The following PDIA3 variants were observed in gnomAD, a reference collection of about 807,000 sequenced individuals.
The protein encoded by PDIA3 is protein disulfide isomerase family A member 3.
PDIA3 carries 16 observed loss-of-function variants against 56.9 expected under a neutral mutation model. That is an observed-to-expected ratio of 0.28 (90% confidence interval 0.19 to 0.43). PDIA3 has a LOEUF of 0.43. PDIA3 is among the 20% of genes least tolerant of loss of function. The pLI is 1.00. For synonymous variants in PDIA3, 192 were observed against 216.5 expected (o/e 0.89, Z 0.99); for missense variants, 485 against 621.3 (o/e 0.78, Z 2.33).
chr15:43,764,441 AAAG>A (rs1333797533), intron 5 of PDIA3, among the ~76,000 whole-genome samples: 4 of 152,206 alleles, frequency 2.6e-5, no homozygotes, highest in Admixed American at 2.0e-4. Context: ...CTATGAGTGA[AAAG>A]AAGATTCAGA....
intron 5 of PDIA3, 46 bp downstream of exon 5, chr15:43,763,252 C>T: frequency 1.3e-6 from 2 of 1,584,276 alleles, no homozygotes; most frequent in South Asian, 2.2e-5. Flanking sequence ...ATTGTGTGAA[C>T]TGGTGATACT....
intron 5 of PDIA3, among the ~76,000 whole-genome samples, chr15:43,764,344 CAT>C (rs1472728217): frequency 6.6e-6 from 1 of 152,096 alleles, no homozygotes; most frequent in Non-Finnish European, 1.5e-5. Flanking sequence ...CTGAGGATGA[CAT>C]GTGAGAGTCT....
intron 1 of PDIA3, chr15:43,751,443 T>C (rs1326726224): frequency 2.4e-6 from 1 of 424,572 alleles, no homozygotes; most frequent in South Asian, 1.9e-5. Context: ...TGGAATTCAT[T>C]ATCAACTGCC....
chr15:43,762,943 A>G, intron 4 of PDIA3, 134 bp from the exon 5 acceptor site: 1 of 740,580 alleles, frequency 1.4e-6, no homozygotes, highest in South Asian at 1.9e-5. Context: ...TGTCTGAGGT[A>G]GTCATGGCAA....
At chr15:43,759,664 C>G (rs1385598278) in intron 3 of PDIA3, among the ~76,000 whole-genome samples, 2 of 152,148 alleles carry the variant, frequency 1.3e-5, no homozygotes, top group African/African-American at 4.8e-5. Context: ...GAATAGTAAA[C>G]AAAATACGGT....
rs1567153600 is a variant in PDIA3 at position 43,746,612 on chromosome 15, T to G, written c.73T>G (p.Ser25Ala). The G allele has an allele frequency of 6.2e-7, 1 of 1,612,688 alleles. No individual in the cohort carries two copies. Among genetic ancestry groups the G allele is most frequent in the Non-Finnish European group, 8.5e-7 (1 of 1,179,852 alleles). Residue 25 changes from serine (S) to alanine (A), a missense_variant, in exon 1 of 13, where the codon TCC (serine) becomes GCC (alanine). By Grantham distance (99) the Ser-to-Ala change is moderately conservative (BLOSUM62 1). Transcript: ENST00000300289. Reference sequence around the variant, plus strand: ...TGCCGCGGCCCGCCTCGCCGCTGCCTCCGACGTGCTAGAACTCACGGACGA... The same window carrying G: ...TGCCGCGGCCCGCCTCGCCGCTGCCGCCGACGTGCTAGAACTCACGGACGA... ...LLAAARLAAA[S>A]DVLELTDDNF...
chr15:43,753,933 C>T lies in PDIA3; in HGVS notation c.246+31C>T, dbSNP rs200567293. The T allele has an allele frequency of 7.6e-5, 110 of 1,441,568 alleles. No individual in the cohort carries two copies. In the African/African-American group the frequency reaches 1.3e-3, roughly 17 times the overall value. 89.3% of individuals were successfully genotyped at this position (1,441,568 alleles called of 1,614,324 possible). A position where few individuals can be genotyped will look rare whatever the true frequency, so the allele number is the denominator to read the frequency against. On this transcript the variant is annotated intron_variant, in intron 2 of 12. Transcript: ENST00000300289. ...TACAGGTGGATTCTTCACTAAAGGA[C>T]GTGAAGTATTTTAAAAAGTAGTTTG... is the stretch of plus-strand genomic sequence containing the variant.
intron 3 of PDIA3, among the ~76,000 whole-genome samples, chr15:43,758,029 G>A (rs911225818): frequency 2.0e-5 from 3 of 151,576 alleles, no homozygotes; most frequent in African/African-American, 7.3e-5. Context: ...ACCTGAGGTC[G>A]GGAGTTCGAG....
intron 1 of PDIA3, among the ~76,000 whole-genome samples, chr15:43,749,015 C>A (rs1204944904): frequency 6.6e-6 from 1 of 152,092 alleles, no homozygotes; most frequent in African/African-American, 2.4e-5. Context: ...AGGTGATCTG[C>A]CCACCTTGGC....
In PDIA3 at chr15:43,771,841, C is replaced by T; in HGVS notation, c.*623C>T. ...CTTACATGTTTATTTCCCAGGCCTA[C>T]CCTGGTGATTAGAACAGCTGAAGGG... On this transcript the variant is annotated 3_prime_UTR_variant, in exon 13 of 13. Coordinates refer to ENST00000300289, the MANE Select transcript of PDIA3 (RefSeq NM_005313.5). 1 of 384,856 alleles carries T rather than the reference C, an allele frequency of 2.6e-6. No homozygotes were observed. 23.8% of individuals were successfully genotyped at this position (384,856 alleles called of 1,614,324 possible).
intron 3 of PDIA3, among the ~76,000 whole-genome samples, chr15:43,757,233 G>A (rs554583920): frequency 6.6e-6 from 1 of 152,196 alleles, no homozygotes; most frequent in East Asian, 1.9e-4. Context: ...CACAGCCTGG[G>A]CAATATAAGT....
intron 2 of PDIA3, among the ~76,000 whole-genome samples, chr15:43,755,529 C>G (rs996451756): frequency 1.1e-4 from 16 of 152,162 alleles, no homozygotes; most frequent in Admixed American, 3.3e-4. Flanking sequence ...TTGTTCTAGT[C>G]TAAAAGCTCT....
chr15:43,746,502 C>T lies in PDIA3; in HGVS notation c.-38C>T, dbSNP rs946127531. ...CCGACCTCCGCAGTCCCAGCCGAGCCGCGACCCTTCCGGCCGTCCCCACCC... is the reference window on the plus strand; with the variant it reads ...CCGACCTCCGCAGTCCCAGCCGAGCTGCGACCCTTCCGGCCGTCCCCACCC... On this transcript the variant is annotated 5_prime_UTR_variant, in exon 1 of 13. Transcript: ENST00000300289. The T allele has an allele frequency of 2.0e-6, 3 of 1,521,208 alleles. No individual in the cohort carries two copies. Among genetic ancestry groups the T allele is most frequent in the East Asian group, 2.4e-5 (1 of 40,906 alleles). 94.2% of individuals were successfully genotyped at this position (1,521,208 alleles called of 1,614,324 possible). A position where few individuals can be genotyped will look rare whatever the true frequency, so the allele number is the denominator to read the frequency against.
intron 1 of PDIA3, 79 bp from the exon 2 acceptor site, chr15:43,753,745 T>C: frequency 9.9e-7 from 1 of 1,009,300 alleles, no homozygotes; most frequent in East Asian, 2.4e-5. Flanking sequence ...TATTATAGTT[T>C]GAGATTCTTC....
intron 7 of PDIA3, among the ~76,000 whole-genome samples, chr15:43,766,513 G>C (rs2086848407): frequency 6.6e-6 from 1 of 152,198 alleles, no homozygotes; most frequent in Non-Finnish European, 1.5e-5. Context: ...TGCACCAGTT[G>C]ATTGGGTATC....
intron 2 of PDIA3, among the ~76,000 whole-genome samples, chr15:43,755,768 G>A (rs181850800): frequency 2.6e-5 from 4 of 152,224 alleles, no homozygotes. Flanking sequence ...ACAAAAATTA[G>A]CCAGGTGTGG....
At chr15:43,753,411 G>A (rs1354266977) in intron 1 of PDIA3, among the ~76,000 whole-genome samples, 4 of 152,112 alleles carry the variant, frequency 2.6e-5, no homozygotes, top group Non-Finnish European at 5.9e-5. Flanking sequence ...CCAGGGAATT[G>A]TATTTTCCTC....
rs141731932 is a variant in PDIA3, at chr15:43,758,257, A to C, written c.364+1491A>C. Reference sequence around the variant, plus strand: ...CGTCTCAAAACAACAACAACAACAAAATAGCCAATGTTGGTATGGATGTAG... The same window carrying C: ...CGTCTCAAAACAACAACAACAACAACATAGCCAATGTTGGTATGGATGTAG... On this transcript the variant is annotated intron_variant, in intron 3 of 12. Coordinates refer to ENST00000300289, the MANE Select transcript of PDIA3 (RefSeq NM_005313.5). Among the ~76,000 whole-genome samples, 259 of 152,208 alleles carry C rather than the reference A, an allele frequency of 1.7e-3. 1 individual carries two copies. Among genetic ancestry groups the C allele is most frequent in the African/African-American group, 6.0e-3 (250 of 41,534 alleles).
At chr15:43,769,203 C>G (rs1355406165) in intron 9 of PDIA3, among the ~76,000 whole-genome samples, 1 of 152,178 alleles carries the variant, frequency 6.6e-6, no homozygotes, top group African/African-American at 2.4e-5. Context: ...ACTCTGTTGC[C>G]TCAGCCTTCT....
Sources: gnomAD v4.1 joint callset for allele counts (sites outside exome capture counted in the v4.1 genomes callset) on GRCh38, gnomAD v4.1.1 for gene constraint, MANE v1.5 for transcripts, NCBI Gene and HGNC (gene_info 2026-07-23, HGNC 2026-07-21) for gene names.